CLEC12A: variants seen among roughly 807,000 people sequenced by gnomAD.
CLEC12A encodes the protein C-type lectin domain family 12 member A, also known as C-type lectin protein CLL-1.
Under a neutral mutation model 26.5 loss-of-function variants are expected in CLEC12A, and 22 were observed. The ratio of observed to expected loss-of-function variants is 0.83; its 90% CI spans 0.59 to 1.19. CLEC12A has a LOEUF of 1.19. Ranked by LOEUF, CLEC12A falls within the 50% of genes most tolerant of loss-of-function variation. The pLI, the probability that CLEC12A is intolerant of heterozygous loss-of-function variation, is 0.00. For missense variants in CLEC12A, 353 were observed against 315.6 expected (o/e 1.12, Z -0.90); for synonymous variants, 119 against 101.9 (o/e 1.17, Z -1.01).
chr12:9,980,779 G>C, intron 4 of CLEC12A, 46 bp downstream of exon 4: 1 of 1,590,762 alleles, frequency 6.3e-7, no homozygotes, highest in African/African-American at 1.3e-5. Flanking sequence ...GAGGGGTGTG[G>C]CATGTTGGAG....
At chr12:9,969,310 T>A (rs918075696), upstream of CLEC12A, among the ~76,000 whole-genome samples, 1 of 152,192 alleles carries the variant, frequency 6.6e-6, no homozygotes, top group African/African-American at 2.4e-5. Flanking sequence ...TTACCCTGAT[T>A]TGGTCATTAC....
intron 1 of CLEC12A, among the ~76,000 whole-genome samples, chr12:9,952,281 C>G (rs1863630703): frequency 6.7e-6 from 1 of 150,358 alleles, no homozygotes; most frequent in African/African-American, 2.4e-5. Flanking sequence ...ACTGCAACCT[C>G]CCTGCCTGAT....
At chr12:9,955,689 C>T (rs1387559122) in intron 1 of CLEC12A, among the ~76,000 whole-genome samples, 1 of 152,046 alleles carries the variant, frequency 6.6e-6, no homozygotes, top group Non-Finnish European at 1.5e-5. Flanking sequence ...TTTTCCTAAG[C>T]AATCAAAAAC....
rs35173002 is a variant in CLEC12A, at chr12:9,954,205, TAAAAAAAAA to T, written c.10+2869_10+2877del. On this transcript the variant is annotated intron_variant, in intron 1 of 6. Transcript: ENST00000355690. ...GTGAGAAACACCCAAGAATTATCAA[TAAAAAAAAA>T]AAAAAAAAAAAAAAAAAAATCAAAC... is the stretch of plus-strand genomic sequence containing the variant. Among the ~76,000 whole-genome samples the T allele has an allele frequency of 5.0e-3, 320 of 64,450 alleles. 3 individuals carry two copies. The highest frequency in any genetic ancestry group is 0.016 in the African/African-American group (287 of 17,888). 42.3% of individuals were successfully genotyped at this position (64,450 alleles called of 152,430 possible).
chr12:9,973,180 G>T (rs1189131712), intron 1 of CLEC12A, among the ~76,000 whole-genome samples: 9 of 152,054 alleles, frequency 5.9e-5, no homozygotes, highest in Admixed American at 5.9e-4. Flanking sequence ...TCCAGCTCTG[G>T]CTAGGTGCAG....
At chr12:9,957,252 C>A (rs956901833) in intron 1 of CLEC12A, among the ~76,000 whole-genome samples, 2 of 151,630 alleles carry the variant, frequency 1.3e-5, no homozygotes, top group Non-Finnish European at 2.9e-5. Context: ...ATTTGGGAGG[C>A]CAAGGTGGGC....
chr12:9,994,971 G>C (rs772946725), intron 4 of CLEC12A: 2 of 1,501,762 alleles, frequency 1.3e-6, no homozygotes, highest in Non-Finnish European at 1.8e-6. Context: ...TAATGGGAGA[G>C]AGGGGAAAGA....
At chr12:9,989,857 G>A (rs1864853362), downstream of CLEC12A, among the ~76,000 whole-genome samples, 1 of 151,858 alleles carries the variant, frequency 6.6e-6, no homozygotes, top group South Asian at 2.1e-4. Flanking sequence ...TGCAGCTGAT[G>A]ACTTTAAGTT....
intron 1 of CLEC12A, among the ~76,000 whole-genome samples, chr12:9,955,206 C>T (rs1036489132): frequency 2.0e-5 from 3 of 152,200 alleles, no homozygotes; most frequent in African/African-American, 7.2e-5. Flanking sequence ...CCTGCCTCAG[C>T]CTCCTGAGTA....
At chr12:9,993,379 G>C (rs1310887450) in intron 4 of CLEC12A, 9 of 797,310 alleles carry the variant, frequency 1.1e-5, no homozygotes, top group Non-Finnish European at 1.8e-5. Flanking sequence ...GCACCAAATA[G>C]AGACTGAGGA....
the CLEC12A span, among the ~76,000 whole-genome samples, chr12:10,003,269 A>G: frequency 6.6e-6 from 1 of 152,218 alleles, no homozygotes; most frequent in Non-Finnish European, 1.5e-5. Context: ...AAGCTTAAAC[A>G]TGTGGATTTC....
chr12:9,982,723 A>C (rs918119273), intron 5 of CLEC12A, among the ~76,000 whole-genome samples: 1 of 152,148 alleles, frequency 6.6e-6, no homozygotes, highest in Non-Finnish European at 1.5e-5. Flanking sequence ...CAGTGTTTTC[A>C]GTGTAACCAT....
downstream of CLEC12A, among the ~76,000 whole-genome samples, chr12:9,997,532 G>A (rs574966728): frequency 5.9e-5 from 9 of 152,196 alleles, no homozygotes; most frequent in Middle Eastern, 3.4e-3. Flanking sequence ...TCCCAACATC[G>A]ATAACATCCC....
At chr12:9,996,682 T>A, downstream of CLEC12A, 1 of 750,750 alleles carries the variant, frequency 1.3e-6, no homozygotes. Context: ...TATGAGTGGA[T>A]TGAATATCTG....
upstream of CLEC12A, among the ~76,000 whole-genome samples, chr12:9,968,511 C>A (rs1428164292): frequency 6.6e-6 from 1 of 151,938 alleles, no homozygotes; most frequent in African/African-American, 2.4e-5. Flanking sequence ...CCAAGATGAG[C>A]CAGGAGAAGG....
At chr12:9,996,405 T>A (rs1865048364), downstream of CLEC12A, among the ~76,000 whole-genome samples, 1 of 152,196 alleles carries the variant, frequency 6.6e-6, no homozygotes, top group Admixed American at 6.6e-5. Context: ...CGAATTAATC[T>A]CTATATAATA....
At chr12:9,997,207 C>A (rs200797571), downstream of CLEC12A, 8 of 1,613,912 alleles carry the variant, frequency 5.0e-6, no homozygotes, top group Non-Finnish European at 6.8e-6. Flanking sequence ...TTGACAGAAG[C>A]GCTTTGCTAA....
intron 1 of CLEC12A, among the ~76,000 whole-genome samples, chr12:9,978,444 AC>A (rs1215137609): frequency 6.6e-6 from 1 of 152,064 alleles, no homozygotes; most frequent in African/African-American, 2.4e-5. Flanking sequence ...ACGGGAGGAC[AC>A]CCAAAGACAT....
chr12:9,952,373 C>T (rs956165544), intron 1 of CLEC12A, among the ~76,000 whole-genome samples: 6 of 150,890 alleles, frequency 4.0e-5, no homozygotes, highest in South Asian at 4.3e-4. Context: ...GACGGGGTTT[C>T]GCTGTGTTGG....
Sources: allele counts gnomAD v4.1 joint callset (sites outside exome capture counted in the v4.1 genomes callset), GRCh38; gene constraint gnomAD v4.1.1; transcripts MANE v1.5; gene names NCBI Gene and HGNC (gene_info 2026-07-23, HGNC 2026-07-21).